NDUFS4: variants seen among roughly 807,000 people sequenced by gnomAD.
NDUFS4 encodes the protein NADH:ubiquinone oxidoreductase subunit S4.
A neutral mutation model predicts 24.3 loss-of-function variants in NDUFS4; 28 were observed. The observed-to-expected ratio is 1.15, with a 90% CI of 0.85 to 1.58. NDUFS4 has a LOEUF of 1.58. Among genes scored for constraint, NDUFS4 ranks in the 40% most tolerant of loss-of-function variants. NDUFS4 has a pLI of 0.00. For synonymous variants in NDUFS4, 93 were observed against 69.7 expected (o/e 1.34, Z -1.67); for missense variants, 223 against 207.9 (o/e 1.07, Z -0.45).
intron 3 of NDUFS4, among the ~76,000 whole-genome samples, chr5:53,657,393 G>A (rs1385761421): frequency 6.6e-6 from 1 of 152,128 alleles, no homozygotes; most frequent in African/African-American, 2.4e-5. Flanking sequence ...AGCAACCATG[G>A]TCTGTGACCA....
intron 1 of NDUFS4, among the ~76,000 whole-genome samples, chr5:53,593,146 A>C (rs1750028658): frequency 6.6e-6 from 1 of 152,128 alleles, no homozygotes; most frequent in Admixed American, 6.5e-5. Flanking sequence ...GGTAGAATTC[A>C]CCAGGAAACA....
intron 2 of NDUFS4, among the ~76,000 whole-genome samples, chr5:53,632,590 T>C (rs1442722146): frequency 6.6e-6 from 1 of 152,128 alleles, no homozygotes; most frequent in Non-Finnish European, 1.5e-5. Context: ...CCTTTTCTGC[T>C]CTGTGAGATT....
chr5:53,669,399 T>A (rs1752605861), intron 4 of NDUFS4, among the ~76,000 whole-genome samples: 1 of 152,164 alleles, frequency 6.6e-6, no homozygotes, highest in Admixed American at 6.6e-5. Context: ...CTCTACAACC[T>A]CGTTAATACT....
chr5:53,610,933 A>G (rs562019226), intron 2 of NDUFS4, among the ~76,000 whole-genome samples: 1 of 152,088 alleles, frequency 6.6e-6, no homozygotes, highest in Admixed American at 6.6e-5. Flanking sequence ...AGGTTGTCAT[A>G]CTTATGTGGA....
chr5:53,646,991 T>C (rs555948593), intron 3 of NDUFS4, among the ~76,000 whole-genome samples: 26 of 152,092 alleles, frequency 1.7e-4, no homozygotes, highest in African/African-American at 6.0e-4. Context: ...AATACTGTTT[T>C]ATCCAAGATA....
At chr5:53,660,115 T>C (rs1361823899) in intron 4 of NDUFS4, among the ~76,000 whole-genome samples, 4 of 151,390 alleles carry the variant, frequency 2.6e-5, no homozygotes, top group Non-Finnish European at 2.9e-5. Context: ...TAACTCTTCA[T>C]TTAACATTAG....
intron 1 of NDUFS4, among the ~76,000 whole-genome samples, chr5:53,587,426 T>C (rs1320178431): frequency 6.6e-6 from 1 of 152,150 alleles, no homozygotes; most frequent in African/African-American, 2.4e-5. Context: ...GTGGTTAGTA[T>C]TTTGCTGGTT....
At chr5:53,653,655 G>A (rs568759553) in intron 3 of NDUFS4, among the ~76,000 whole-genome samples, 9 of 152,058 alleles carry the variant, frequency 5.9e-5, no homozygotes, top group African/African-American at 1.9e-4. Context: ...CCTCTCACCA[G>A]TATACCCGCC....
chr5:53,564,289 A>G (rs1182109076), intron 1 of NDUFS4, among the ~76,000 whole-genome samples: 1 of 152,208 alleles, frequency 6.6e-6, no homozygotes, highest in African/African-American at 2.4e-5. Context: ...GCTGGGAAAT[A>G]GGCTAAGCTC....
chr5:53,646,667 A>G (rs1665871228), intron 3 of NDUFS4, among the ~76,000 whole-genome samples: 1 of 151,420 alleles, frequency 6.6e-6, no homozygotes, highest in African/African-American at 2.4e-5. Context: ...GAGCACTGTT[A>G]TGGAACTCAA....
intron 2 of NDUFS4, among the ~76,000 whole-genome samples, chr5:53,627,841 A>T (rs1267869684): frequency 1.3e-5 from 2 of 152,128 alleles, no homozygotes; most frequent in Admixed American, 1.3e-4. Context: ...AGACAATTTG[A>T]CTTCCTCTTT....
chr5:53,579,464 T>A (rs1749489608), intron 1 of NDUFS4, among the ~76,000 whole-genome samples: 1 of 152,126 alleles, frequency 6.6e-6, no homozygotes, highest in Non-Finnish European at 1.5e-5. Context: ...CATGTCCTAA[T>A]CCCCAGAACC....
rs180975184 is a variant in NDUFS4 at position 53,653,653 on chromosome 5, C to T, written c.351-4898C>T. Among the ~76,000 whole-genome samples the T allele has an allele frequency of 5.3e-5, 8 of 152,148 alleles. No individual in the cohort carries two copies. In the East Asian group the frequency reaches 1.4e-3, roughly 26 times the overall value. Reference sequence around the variant, plus strand: ...CCTCCCCTGCTTACTACCCTCTCACCAGTATACCCGCCCTCCCTCCATAGA... The same window carrying T: ...CCTCCCCTGCTTACTACCCTCTCACTAGTATACCCGCCCTCCCTCCATAGA... On this transcript the variant is annotated intron_variant, in intron 3 of 4. Coordinates refer to ENST00000296684, the MANE Select transcript of NDUFS4 (RefSeq NM_002495.4).
chr5:53,598,223 C>T (rs968604020), intron 1 of NDUFS4, among the ~76,000 whole-genome samples: 4 of 152,140 alleles, frequency 2.6e-5, no homozygotes, highest in African/African-American at 7.2e-5. Context: ...ATAGTCTTAA[C>T]GTATGATCAG....
rs1024859123 is a variant in NDUFS4 at position 53,560,687 on chromosome 5, G to C, written c.25G>C (p.Val9Leu). The C allele has an allele frequency of 2.5e-6, 4 of 1,614,126 alleles. No individual in the cohort carries two copies. The African/African-American group carries it at 5.3e-5, about 22-fold the overall frequency. ...GATGGCGGCGGTGTCAATGTCAGTG[G>C]TACTGAGGCAGACGTTGTGGCGGAG... MAAVSMSV[V>L]LRQTLWRRRA... is the part of the protein sequence containing the mutation. The change falls in exon 1 of 5, where the codon GTA (valine) becomes CTA (leucine). Residue 9 changes from valine to leucine, a missense_variant. By Grantham distance (32) the Val-to-Leu change is conservative (BLOSUM62 1). Coordinates refer to ENST00000296684, the MANE Select transcript of NDUFS4 (RefSeq NM_002495.4).
intron 4 of NDUFS4, among the ~76,000 whole-genome samples, chr5:53,680,827 C>G (rs1219399508): frequency 6.6e-6 from 1 of 151,954 alleles, no homozygotes; most frequent in Non-Finnish European, 1.5e-5. Context: ...CACATGTACC[C>G]TAAAACTTAG....
chr5:53,638,215 C>T (rs906123111), intron 2 of NDUFS4, among the ~76,000 whole-genome samples: 1 of 152,048 alleles, frequency 6.6e-6, no homozygotes, highest in East Asian at 1.9e-4. Context: ...TTTGACAGTT[C>T]TTCCCATATA....
intron 1 of NDUFS4, among the ~76,000 whole-genome samples, chr5:53,593,218 T>C (rs1444661092): frequency 2.6e-5 from 4 of 152,146 alleles, no homozygotes; most frequent in East Asian, 1.9e-4. Flanking sequence ...TTAATAGATA[T>C]AGGCCTGTCC....
chr5:53,602,389 A>G (rs1158427030), intron 1 of NDUFS4, among the ~76,000 whole-genome samples: 3 of 152,190 alleles, frequency 2.0e-5, no homozygotes, highest in African/African-American at 7.2e-5. Flanking sequence ...GAATTACATA[A>G]TACCTTAAAT....
Sources: gnomAD v4.1 joint callset for allele counts (sites outside exome capture counted in the v4.1 genomes callset) on GRCh38, gnomAD v4.1.1 for gene constraint, MANE v1.5 for transcripts, NCBI Gene and HGNC (gene_info 2026-07-23, HGNC 2026-07-21) for gene names.